The following MAD1L1 variants were observed in gnomAD, a reference collection of about 807,000 sequenced individuals.
MAD1L1 encodes the protein mitotic arrest deficient 1 like 1.
MAD1L1 carries 95 observed loss-of-function variants against 96.9 expected under a neutral mutation model. The ratio of observed to expected loss-of-function variants is 0.98; its 90% CI spans 0.83 to 1.16. MAD1L1 has a LOEUF of 1.16. MAD1L1 is among the 50% of genes most tolerant of loss of function. The probability of loss-of-function intolerance (pLI) is 0.00; values close to 1 mark genes in which losing one functional copy is unlikely to be tolerated. For missense variants in MAD1L1, 1,007 were observed against 954.4 expected (o/e 1.06, Z -0.73); for synonymous variants, 473 against 396.6 (o/e 1.19, Z -2.29).
chr7:1,847,149 T>A (rs1407585028), intron 18 of MAD1L1: 1 of 392,310 alleles, frequency 2.5e-6, no homozygotes, highest in Admixed American at 3.3e-5. Flanking sequence ...CCTCTGACTT[T>A]CCCGTCTGTC....
At chr7:2,182,813 G>A (rs888169082) in intron 10 of MAD1L1, among the ~76,000 whole-genome samples, 12 of 152,326 alleles carry the variant, frequency 7.9e-5, no homozygotes, top group African/African-American at 2.9e-4. Context: ...AGGAGAACAG[G>A]GAACTTCGGC....
intron 18 of MAD1L1, among the ~76,000 whole-genome samples, chr7:1,877,225 T>G (rs1277057061): frequency 2.6e-5 from 4 of 152,182 alleles, no homozygotes; most frequent in Non-Finnish European, 2.9e-5. Flanking sequence ...CACCGCCCGC[T>G]TTTGTAATAA....
In MAD1L1 at chr7:1,855,261, C is replaced by G. The variant is rs777473895; in HGVS notation, c.1999-39033G>C. Among the ~76,000 whole-genome samples the G allele has an allele frequency of 3.9e-5, 6 of 152,176 alleles. No homozygotes were observed. The South Asian group carries it at 1.2e-3, about 32-fold the overall frequency. ...GACGGGGCCTGAGGTCACACCCACA[C>G]GAGCCTCCCTATCAAACGGTTGCGG... On this transcript the variant is annotated intron_variant, in intron 18 of 18. Transcript: ENST00000265854.
intron 18 of MAD1L1, among the ~76,000 whole-genome samples, chr7:1,836,848 G>A (rs1431186404): frequency 6.6e-6 from 1 of 151,948 alleles, no homozygotes; most frequent in African/African-American, 2.4e-5. Context: ...GTAAAATTTA[G>A]AACTATAAAA....
intron 12 of MAD1L1, among the ~76,000 whole-genome samples, chr7:2,053,999 G>A (rs371341199): frequency 6.6e-6 from 1 of 152,238 alleles, no homozygotes; most frequent in Non-Finnish European, 1.5e-5. Flanking sequence ...TGCAGAGGGA[G>A]GCAGGGCGGG....
At chr7:1,865,062 G>T (rs999557727) in intron 18 of MAD1L1, among the ~76,000 whole-genome samples, 1 of 152,130 alleles carries the variant, frequency 6.6e-6, no homozygotes, top group Non-Finnish European at 1.5e-5. Context: ...GCTCTCACTT[G>T]TCTAGTGACA....
chr7:1,853,766 G>A (rs894829386), intron 18 of MAD1L1, among the ~76,000 whole-genome samples: 5 of 152,094 alleles, frequency 3.3e-5, no homozygotes, highest in Middle Eastern at 3.4e-3. Context: ...GCTGGGACTC[G>A]CCTGCAAGGG....
At chr7:2,188,616 T>C (rs773854125) in intron 10 of MAD1L1, among the ~76,000 whole-genome samples, 1 of 152,212 alleles carries the variant, frequency 6.6e-6, no homozygotes, top group Non-Finnish European at 1.5e-5. Context: ...CACATGGTGC[T>C]GGAAAACTGG....
chr7:1,896,783 G>A (rs114825275), intron 18 of MAD1L1, among the ~76,000 whole-genome samples: 180 of 152,330 alleles, frequency 1.2e-3, no homozygotes, highest in African/African-American at 3.8e-3. Context: ...GCAGGGATCC[G>A]GGGAAAACGC....
intron 15 of MAD1L1, 79 bp downstream of exon 15, chr7:1,980,374 G>C: frequency 1.6e-6 from 2 of 1,250,304 alleles, no homozygotes; most frequent in Non-Finnish European, 2.2e-6. Flanking sequence ...CTCCTCCCCC[G>C]CAGGACACAC....
chr7:1,968,536 C>T lies in MAD1L1; in HGVS notation c.1506-10817G>A, dbSNP rs1190670208. 6.7e-6 allele frequency among the ~76,000 whole-genome samples: 1 copy of T among 149,268 alleles called. No individual in the cohort carries two copies. Among genetic ancestry groups the T allele is most frequent in the African/African-American group, 2.5e-5 (1 of 40,264 alleles). On this transcript the variant is annotated intron_variant, in intron 15 of 18. Transcript: ENST00000265854. The surrounding 1 kb of genome is among the most constrained non-coding windows in gnomAD (Gnocchi z 5.6). The stretch of plus-strand genomic sequence containing the variant: ...CGGTCAGGTCCACCGTCAATGCCAG[C>T]GGTCATGTCCACCATCAACGCCTCA...
Position 1,957,695 on chromosome 7 carries a change from G to A in MAD1L1, c.1530C>T (p.Gly510=), listed in dbSNP as rs940938054. 39 of 1,614,008 alleles carry A rather than the reference G, an allele frequency of 2.4e-5. No homozygotes were observed. The highest frequency in any genetic ancestry group is 6.6e-5 in the South Asian group (6 of 91,082). Residue 510 remains glycine, a synonymous_variant, in exon 16 of 19, where the codon GGC becomes GGT. Transcript: ENST00000265854. ...TTTCCTCCTCCAGCCGACTCCGCTCGCCTTCCAGCTCCTCGACCTTCAACC... is the reference window on the plus strand; with the variant it reads ...TTTCCTCCTCCAGCCGACTCCGCTCACCTTCCAGCTCCTCGACCTTCAACC... ...TLRLKVEELE[G]ERSRLEEEKR... is the part of the protein sequence containing the mutation.
At chr7:2,064,815 C>A (rs62444914) in intron 12 of MAD1L1, among the ~76,000 whole-genome samples, 4,519 of 76,170 alleles carry the variant, frequency 0.059, 150 homozygotes, top group South Asian at 0.17. Context: ...CCCAGGACAG[C>A]GGCTTCTCCC....
chr7:1,856,989 C>G (rs535159349), intron 18 of MAD1L1, among the ~76,000 whole-genome samples: 2 of 152,112 alleles, frequency 1.3e-5, no homozygotes, highest in African/African-American at 4.8e-5. Context: ...CCTGACTGTG[C>G]TGGACCCTGC....
At chr7:1,938,760 ACACACACACG>A (rs1293504421) in intron 16 of MAD1L1, among the ~76,000 whole-genome samples, 1 of 145,266 alleles carries the variant, frequency 6.9e-6, no homozygotes, top group Non-Finnish European at 1.5e-5. Flanking sequence ...ACACACACAC[ACACACACACG>A]CACGCACACA....
chr7:1,875,156 C>G (rs1785316578), intron 18 of MAD1L1, among the ~76,000 whole-genome samples: 1 of 152,202 alleles, frequency 6.6e-6, no homozygotes, highest in Non-Finnish European at 1.5e-5. Flanking sequence ...GCCCCAGAGC[C>G]CCCCACAGGG....
intron 17 of MAD1L1, among the ~76,000 whole-genome samples, chr7:1,935,444 G>A (rs1259805037): frequency 1.3e-5 from 2 of 152,140 alleles, no homozygotes; most frequent in Non-Finnish European, 2.9e-5. Context: ...ACTCCAGGAG[G>A]GCACACCACC....
intron 11 of MAD1L1, among the ~76,000 whole-genome samples, chr7:2,076,996 A>G (rs1451864590): frequency 6.8e-6 from 1 of 146,106 alleles, no homozygotes; most frequent in African/African-American, 2.6e-5. Flanking sequence ...CGAGACGGTT[A>G]TGACACAGTG....
intron 17 of MAD1L1, among the ~76,000 whole-genome samples, chr7:1,901,999 A>C (rs572775680): frequency 3.9e-5 from 6 of 152,190 alleles, no homozygotes; most frequent in Non-Finnish European, 8.8e-5. Flanking sequence ...TGGGCTCTCA[A>C]GGCCTCGGTG....
Sources: gnomAD v4.1 joint callset for allele counts (sites outside exome capture counted in the v4.1 genomes callset) on GRCh38, gnomAD v4.1.1 for gene constraint, Gnocchi (gnomAD v3.1) non-coding constraint, MANE v1.5 for transcripts, NCBI Gene and HGNC (gene_info 2026-07-23, HGNC 2026-07-21) for gene names.